Variants in EXD3 observed in about 807,000 individuals in gnomAD.
EXD3 encodes exonuclease mut-7 homolog.
A neutral mutation model predicts 98.0 loss-of-function variants in EXD3; 92 were observed. The observed-to-expected ratio is 0.94, with a 90% confidence interval of 0.79 to 1.12. The LOEUF is 1.12. Ranked by LOEUF, EXD3 falls within the 50% of genes most tolerant of loss-of-function variation. The pLI, the probability that EXD3 is intolerant of heterozygous loss-of-function variation, is 0.00. For synonymous variants in EXD3, 569 were observed against 526.0 expected (o/e 1.08, Z -1.12); for missense variants, 1,222 against 1,191.6 (o/e 1.03, Z -0.38).
intron 19 of EXD3, among the ~76,000 whole-genome samples, chr9:137,316,102 G>A (rs1392794535): frequency 6.7e-6 from 1 of 149,390 alleles, no homozygotes; most frequent in Non-Finnish European, 1.5e-5. Context: ...CCCCAGCCTC[G>A]GCGGGGCGCG....
intron 17 of EXD3, among the ~76,000 whole-genome samples, chr9:137,332,797 G>T (rs1273638078): frequency 6.6e-6 from 1 of 152,114 alleles, no homozygotes; most frequent in Non-Finnish European, 1.5e-5. Context: ...GTGAGCCAAG[G>T]TTGCGCCACT....
chr9:137,392,410 C>T (rs1332065521), intron 2 of EXD3: 1 of 162,600 alleles, frequency 6.2e-6, no homozygotes, highest in East Asian at 1.8e-4. Context: ...GTCCCAGGGG[C>T]CACAGACGCG....
rs1345752379 is a variant in EXD3 at position 137,371,804 on chromosome 9, G to A, written c.462+1101C>T. Among the ~76,000 whole-genome samples the A allele has an allele frequency of 6.6e-6, 1 of 151,854 alleles. No individual in the cohort carries two copies. The highest frequency in any genetic ancestry group is 2.4e-5 in the African/African-American group (1 of 41,360). The stretch of plus-strand genomic sequence containing the variant: ...CCCCCGGGCTTCTTTGCCGCACCTC[G>A]TGCTGCACCCTAGAATCTGCACTGG... On this transcript the variant is annotated intron_variant, in intron 5 of 21. Coordinates refer to ENST00000340951, the MANE Select transcript of EXD3 (RefSeq NM_017820.5). The surrounding 1 kb of genome is among the most constrained non-coding windows in gnomAD (Gnocchi z 8.0).
intron 1 of EXD3, among the ~76,000 whole-genome samples, chr9:137,397,555 G>A (rs761519846): frequency 7.2e-5 from 11 of 152,088 alleles, no homozygotes; most frequent in Non-Finnish European, 1.5e-4. Context: ...TAAACAAGTG[G>A]AAAAACACAA....
chr9:137,354,538 C>T (rs1834507073), intron 9 of EXD3, 161 bp from the exon 10 acceptor site: 15 of 1,535,014 alleles, frequency 9.8e-6, no homozygotes, highest in Non-Finnish European at 1.3e-5. Context: ...CCCATGGCCT[C>T]CCCTTCACCC....
intron 5 of EXD3, among the ~76,000 whole-genome samples, chr9:137,368,486 G>A (rs959878173): frequency 2.0e-5 from 3 of 152,210 alleles, no homozygotes; most frequent in East Asian, 1.9e-4. Context: ...AGGCGGAGAC[G>A]GGCACCCCGC....
rs1184469343 is a variant in EXD3 at position 137,395,466 on chromosome 9, C to T, written c.-47-62G>A. 2 of 1,502,806 alleles carry T rather than the reference C, an allele frequency of 1.3e-6. No individual in the cohort carries two copies. The highest frequency in any genetic ancestry group is 2.7e-5 in the African/African-American group (2 of 72,826). 93.1% of individuals were successfully genotyped at this position (1,502,806 alleles called of 1,614,324 possible). On this transcript the variant is annotated intron_variant, in intron 1 of 21. Transcript: ENST00000340951. The surrounding 1 kb of genome is among the most constrained non-coding windows in gnomAD (Gnocchi z 6.5). Reference sequence around the variant, plus strand: ...CTGCAACAGGCAGCCATGCAGAGCCCACGCCCACAGCCCCTGGAGGTGGTG... The same window carrying T: ...CTGCAACAGGCAGCCATGCAGAGCCTACGCCCACAGCCCCTGGAGGTGGTG...
chr9:137,389,094 GT>G (rs1410161388), intron 2 of EXD3, among the ~76,000 whole-genome samples: 2 of 152,156 alleles, frequency 1.3e-5, no homozygotes, highest in African/African-American at 4.8e-5. Flanking sequence ...GCCTTCTGGC[GT>G]CCGGGGGCAG....
rs1837201874 is a variant in EXD3, at chr9:137,395,981, T to TTTC, written c.-47-578_-47-577insGAA. On this transcript the variant is annotated intron_variant, in intron 1 of 21. Transcript: ENST00000340951. The surrounding 1 kb of genome is among the most constrained non-coding windows in gnomAD (Gnocchi z 6.5). ...TTCTTTCTTTCTTTCTTTTTTTTTTTTTTGGAGACAGAGTCTCTCTGCAAT... is the reference window on the plus strand; with the variant it reads ...TTCTTTCTTTCTTTCTTTTTTTTTTTTTCTTTGGAGACAGAGTCTCTCTGCAAT... Among the ~76,000 whole-genome samples, 6 of 151,234 alleles carry TTTC rather than the reference T, an allele frequency of 4.0e-5. No individual in the cohort carries two copies. Among genetic ancestry groups the TTTC allele is most frequent in the African/African-American group, 1.5e-4 (6 of 41,192 alleles).
intron 6 of EXD3, among the ~76,000 whole-genome samples, chr9:137,367,174 G>T (rs1157911043): frequency 6.6e-6 from 1 of 152,110 alleles, no homozygotes; most frequent in South Asian, 2.1e-4. Flanking sequence ...TGCCCCACAG[G>T]TGAGGCTGCC....
chr9:137,369,026 G>C (rs1835439117), intron 5 of EXD3, among the ~76,000 whole-genome samples: 1 of 143,412 alleles, frequency 7.0e-6, no homozygotes, highest in South Asian at 2.3e-4. Flanking sequence ...GCCGTGTGGG[G>C]AGGGGCGCAG....
At chr9:137,388,223 C>T (rs1195159650) in intron 2 of EXD3, among the ~76,000 whole-genome samples, 4 of 152,106 alleles carry the variant, frequency 2.6e-5, no homozygotes, top group Admixed American at 1.3e-4. Flanking sequence ...GCCACCCTCC[C>T]CAAAACGTGC....
At position 137,388,936 on chromosome 9, in the gene EXD3, C is replaced by T. The variant is rs998133130; in HGVS notation, c.56-5559G>A. 7.9e-5 allele frequency among the ~76,000 whole-genome samples: 12 copies of T among 152,318 alleles called. 1 individual carries two copies. The highest frequency in any genetic ancestry group is 6.2e-4 in the South Asian group (3 of 4,832). ...ACCCCGCCTGGGTCAGTCCTCTGAC[C>T]GCCCACGGACAGCAGAAAGGGCCAG... On this transcript the variant is annotated intron_variant, in intron 2 of 21. Coordinates refer to ENST00000340951, the MANE Select transcript of EXD3 (RefSeq NM_017820.5).
In EXD3 at chr9:137,395,729, C is replaced by T. The variant is rs959070736; in HGVS notation, c.-47-325G>A. 3.9e-5 allele frequency among the ~76,000 whole-genome samples: 6 copies of T among 152,024 alleles called. No homozygotes were observed. The highest frequency in any genetic ancestry group is 5.9e-5 in the Non-Finnish European group (4 of 67,986). On this transcript the variant is annotated intron_variant, in intron 1 of 21. Transcript: ENST00000340951. This position sits in a 1 kb window ranked among gnomAD's most constrained non-coding sequence, Gnocchi z 6.5. ...CAGAGGGGCCTGTTCTTGAGGACAG[C>T]GTGACCCCCCTTGCCATGTCCCCCT...
At position 137,354,752 on chromosome 9, in the gene EXD3, A is replaced by G. The variant is rs1834523302; in HGVS notation, c.779T>C (p.Ile260Thr). 1 of 1,610,494 alleles carries G rather than the reference A, an allele frequency of 6.2e-7. No individual in the cohort carries two copies. Among genetic ancestry groups the G allele is most frequent in the Admixed American group, 1.7e-5 (1 of 59,964 alleles). ...CCGCAGGGCCGCCAGGCGCTGCTGAATGGCCGCGTTGGGACACAGCGCTGA... is the reference window on the plus strand; with the variant it reads ...CCGCAGGGCCGCCAGGCGCTGCTGAGTGGCCGCGTTGGGACACAGCGCTGA... ...VAPALCPNAA[I>T]QQRLAALRHL... Residue 260 changes from isoleucine (I) to threonine (T), a missense_variant, in exon 9 of 22, where the codon ATT (isoleucine) becomes ACT (threonine). By Grantham distance (89) the Ile-to-Thr change is moderately conservative (BLOSUM62 -1). Coordinates refer to ENST00000340951, the MANE Select transcript of EXD3 (RefSeq NM_017820.5).
At chr9:137,320,587 G>T (rs1047177192) in intron 19 of EXD3, among the ~76,000 whole-genome samples, 6 of 152,174 alleles carry the variant, frequency 3.9e-5, no homozygotes, top group African/African-American at 1.4e-4. Context: ...CAGCAAAGAG[G>T]CAGGGCGGAC....
At position 137,321,130 on chromosome 9, in the gene EXD3, G is replaced by A. The variant is rs569972421; in HGVS notation, c.2184+2595C>T. 5.8e-4 allele frequency among the ~76,000 whole-genome samples: 88 copies of A among 152,376 alleles called. 1 individual carries two copies. The highest frequency in any genetic ancestry group is 4.8e-3 in the South Asian group (23 of 4,832). On this transcript the variant is annotated intron_variant, in intron 19 of 21. Transcript: ENST00000340951. ...CAGGTGCCTGGCCGGCTGCAGATCC[G>A]AGCCGAGCCGGAGCTTTCCCTCTTT...
chr9:137,399,997 T>C (rs964382726), intron 1 of EXD3, among the ~76,000 whole-genome samples: 2 of 134,826 alleles, frequency 1.5e-5, no homozygotes, highest in African/African-American at 5.8e-5. Context: ...ACCATTGCAC[T>C]CCAGCCTGGG....
rs139299533 is a variant in EXD3 at position 137,387,030 on chromosome 9, C to T, written c.56-3653G>A. ...CTGCCTGGCCCCCTCAGCACCCCTG[C>T]TCCCTGCCTGCCTCCCTCAGCACCC... On this transcript the variant is annotated intron_variant, in intron 2 of 21. Coordinates refer to ENST00000340951, the MANE Select transcript of EXD3 (RefSeq NM_017820.5). Among the ~76,000 whole-genome samples the T allele has an allele frequency of 5.5e-3, 804 of 145,998 alleles. 13 individuals are homozygous for T. The highest frequency in any genetic ancestry group is 0.019 in the African/African-American group (727 of 37,310).
Sources: gnomAD v4.1 joint callset for allele counts (sites outside exome capture counted in the v4.1 genomes callset) on GRCh38, gnomAD v4.1.1 for gene constraint, Gnocchi (gnomAD v3.1) non-coding constraint, MANE v1.5 for transcripts, NCBI Gene and HGNC (gene_info 2026-07-23, HGNC 2026-07-21) for gene names.